The following SHISA9 variants were observed in gnomAD, a reference collection of about 807,000 sequenced individuals.
SHISA9 encodes the protein shisa family member 9, also known as protein shisa-9.
Under a neutral mutation model 38.0 loss-of-function variants are expected in SHISA9, and 13 were observed. That is an observed-to-expected ratio of 0.34 (90% confidence interval 0.22 to 0.54). The LOEUF (loss-of-function observed/expected upper bound fraction) is 0.54. Among genes scored for constraint, SHISA9 ranks in the 20% least tolerant of loss-of-function variants. The probability of loss-of-function intolerance (pLI) is 0.91; values close to 1 mark genes in which losing one functional copy is unlikely to be tolerated. For synonymous variants in SHISA9, 275 were observed against 242.0 expected (o/e 1.14, Z -1.27); for missense variants, 538 against 575.8 (o/e 0.93, Z 0.67).
chr16:12,919,941 C>G (rs769192723), intron 2 of SHISA9, among the ~76,000 whole-genome samples: 10 of 152,204 alleles, frequency 6.6e-5, no homozygotes. Flanking sequence ...TTTGAAGGCA[C>G]ATTTTGTCCT....
At chr16:13,010,789 T>C (rs555509436) in intron 2 of SHISA9, among the ~76,000 whole-genome samples, 2 of 152,178 alleles carry the variant, frequency 1.3e-5, no homozygotes, top group African/African-American at 4.8e-5. Context: ...CCGTCTCTAC[T>C]AAAAATACAA....
At chr16:13,093,025 T>C (rs535578704) in intron 2 of SHISA9, among the ~76,000 whole-genome samples, 26 of 152,220 alleles carry the variant, frequency 1.7e-4, no homozygotes, top group African/African-American at 4.8e-4. Context: ...CCTAACACTT[T>C]TTGACACCAA....
At chr16:13,516,502 G>T in the SHISA9 span, among the ~76,000 whole-genome samples, 5 of 152,202 alleles carry the variant, frequency 3.3e-5, no homozygotes, top group African/African-American at 1.2e-4. Context: ...ATGAGTAGAA[G>T]AATTATAGGG....
chr16:13,461,696 C>G, the SHISA9 span, among the ~76,000 whole-genome samples: 1 of 143,354 alleles, frequency 7.0e-6, no homozygotes, highest in Non-Finnish European at 1.5e-5. Flanking sequence ...TCACTGCAAG[C>G]TCCGCCTCCC....
chr16:13,551,124 G>GAA, the SHISA9 span, among the ~76,000 whole-genome samples: 2 of 133,990 alleles, frequency 1.5e-5, no homozygotes, highest in Non-Finnish European at 3.2e-5. Flanking sequence ...ACTCCATCTC[G>GAA]AAAAAAAAAA....
chr16:13,377,310 C>T, the SHISA9 span, among the ~76,000 whole-genome samples: 3 of 152,176 alleles, frequency 2.0e-5, no homozygotes, highest in African/African-American at 7.2e-5. Context: ...TCAGAGCAGC[C>T]GTGTACTCAA....
chr16:13,424,764 G>C, the SHISA9 span, among the ~76,000 whole-genome samples: 1 of 152,128 alleles, frequency 6.6e-6, no homozygotes, highest in Non-Finnish European at 1.5e-5. Flanking sequence ...GCTATGTCTC[G>C]GTTAAAATTT....
chr16:13,139,974 T>C (rs1010055673), intron 2 of SHISA9, among the ~76,000 whole-genome samples: 1 of 152,122 alleles, frequency 6.6e-6, no homozygotes, highest in Non-Finnish European at 1.5e-5. Flanking sequence ...ACTGCCCAGC[T>C]TGGCTCTGGC....
intron 2 of SHISA9, among the ~76,000 whole-genome samples, chr16:13,004,782 A>G (rs76326793): frequency 6.6e-6 from 1 of 151,694 alleles, no homozygotes; most frequent in Non-Finnish European, 1.5e-5. Context: ...AAAAAAAAAA[A>G]TTAGCTGAAC....
At chr16:13,484,358 C>A in the SHISA9 span, among the ~76,000 whole-genome samples, 1 of 152,098 alleles carries the variant, frequency 6.6e-6, no homozygotes, top group Admixed American at 6.5e-5. Flanking sequence ...AGCCTCGGTT[C>A]CCACATCAGC....
intron 2 of SHISA9, among the ~76,000 whole-genome samples, chr16:12,992,292 A>G (rs1380887331): frequency 6.7e-6 from 1 of 150,162 alleles, no homozygotes; most frequent in Non-Finnish European, 1.5e-5. Context: ...TGGGAGGCCG[A>G]GGCAGGTGGA....
chr16:13,372,516 T>C, the SHISA9 span, among the ~76,000 whole-genome samples: 1 of 152,194 alleles, frequency 6.6e-6, no homozygotes, highest in African/African-American at 2.4e-5. Flanking sequence ...CCTACTCTGA[T>C]ATAATGTCCA....
chr16:12,905,648 G>T (rs1411344658), intron 1 of SHISA9, among the ~76,000 whole-genome samples: 2 of 150,840 alleles, frequency 1.3e-5, no homozygotes, highest in Non-Finnish European at 2.9e-5. Context: ...CTGGAGTGCA[G>T]TGGCAGGATC....
At chr16:13,176,206 T>C (rs2050730398) in intron 2 of SHISA9, among the ~76,000 whole-genome samples, 2 of 152,140 alleles carry the variant, frequency 1.3e-5, no homozygotes, top group Non-Finnish European at 2.9e-5. Context: ...AGACTGTATC[T>C]AGATTTGGAG....
the SHISA9 span, among the ~76,000 whole-genome samples, chr16:13,339,247 C>T: frequency 2.0e-5 from 3 of 147,142 alleles, no homozygotes; most frequent in African/African-American, 7.6e-5. Flanking sequence ...AACTTAAGGG[C>T]TATTAGGTAC....
chr16:13,164,082 G>A (rs1488102193), intron 2 of SHISA9, among the ~76,000 whole-genome samples: 1 of 151,958 alleles, frequency 6.6e-6, no homozygotes, highest in Non-Finnish European at 1.5e-5. Context: ...GATACGTGTT[G>A]GATCTCCCAC....
intron 2 of SHISA9, among the ~76,000 whole-genome samples, chr16:13,016,895 C>T (rs2072764049): frequency 6.6e-6 from 1 of 152,134 alleles, no homozygotes; most frequent in African/African-American, 2.4e-5. Flanking sequence ...GTGAGCATTC[C>T]ACGATATTAG....
the SHISA9 span, among the ~76,000 whole-genome samples, chr16:13,365,801 AC>A: frequency 6.6e-6 from 1 of 152,162 alleles, no homozygotes; most frequent in African/African-American, 2.4e-5. Context: ...TGGATTGCAA[AC>A]ATATTCGGAA....
chr16:13,037,105 CACAG>C (rs59004277), intron 2 of SHISA9, among the ~76,000 whole-genome samples: 8,262 of 66,432 alleles, frequency 0.12, 265 homozygotes, highest in Middle Eastern at 0.2. Flanking sequence ...CACACACACA[CACAG>C]ACACACACAC....
Sources: allele counts gnomAD v4.1 joint callset (sites outside exome capture counted in the v4.1 genomes callset), GRCh38; gene constraint gnomAD v4.1.1; transcripts MANE v1.5; gene names NCBI Gene and HGNC (gene_info 2026-07-23, HGNC 2026-07-21).